Variants in POC1A observed in about 807,000 individuals in gnomAD.
The protein encoded by POC1A is POC1 centriolar protein A, also known as POC1 centriolar protein homolog A.
Under a neutral mutation model 47.8 loss-of-function variants are expected in POC1A, and 34 were observed. The ratio of observed to expected loss-of-function variants is 0.71; its 90% CI spans 0.54 to 0.95. The LOEUF is 0.95. Ranked by LOEUF, POC1A falls within the 40% of genes least tolerant of loss-of-function variation. The pLI, the probability that POC1A is intolerant of heterozygous loss-of-function variation, is 0.00. For missense variants in POC1A, 466 were observed against 528.3 expected, an observed-to-expected ratio of 0.88 and a Z score of 1.16; for synonymous variants, 177 against 207.6, an observed-to-expected ratio of 0.85 and a Z score of 1.27.
chr3:52,130,882 C>T (rs1704185312), intron 7 of POC1A, among the ~76,000 whole-genome samples: 1 of 152,156 alleles, frequency 6.6e-6, no homozygotes, highest in African/African-American at 2.4e-5. Context: ...GGCGCAAGCA[C>T]CCCATAAGCA....
chr3:52,124,139 G>A (rs1703903691), intron 8 of POC1A, among the ~76,000 whole-genome samples: 2 of 152,250 alleles, frequency 1.3e-5, no homozygotes, highest in Admixed American at 1.3e-4. Flanking sequence ...CCAGAACTAA[G>A]AGACTGGGCA....
intron 6 of POC1A, among the ~76,000 whole-genome samples, chr3:52,141,656 C>G (rs542895017): frequency 6.6e-6 from 1 of 152,286 alleles, no homozygotes; most frequent in Admixed American, 6.5e-5. Flanking sequence ...TCAAAACACC[C>G]AGTACAGGGT....
intron 9 of POC1A, among the ~76,000 whole-genome samples, chr3:52,119,470 C>T (rs1221761977): frequency 2.0e-5 from 3 of 151,722 alleles, no homozygotes; most frequent in East Asian, 1.9e-4. Flanking sequence ...TCATAGTTCA[C>T]GATAGCCTCC....
chr3:52,151,248 T>C (rs1029694421), intron 1 of POC1A, 148 bp from the exon 2 acceptor site: 248 of 1,180,594 alleles, frequency 2.1e-4, no homozygotes, highest in South Asian at 3.2e-4. Context: ...GGAATCCACT[T>C]AGGATTAGTT....
intron 9 of POC1A, among the ~76,000 whole-genome samples, chr3:52,111,258 A>C (rs1703370694): frequency 6.6e-6 from 1 of 152,212 alleles, no homozygotes; most frequent in Admixed American, 6.5e-5. Context: ...AGTTCAGAGA[A>C]GGGAGTTCTG....
intron 7 of POC1A, among the ~76,000 whole-genome samples, chr3:52,127,698 CCTT>C (rs773065618): frequency 6.6e-6 from 1 of 150,986 alleles, no homozygotes; most frequent in Non-Finnish European, 1.5e-5. Context: ...CAGTCACAAA[CCTT>C]TTTTTTTTTT....
intron 10 of POC1A, among the ~76,000 whole-genome samples, chr3:52,095,566 C>T (rs181722626): frequency 1.4e-3 from 211 of 152,132 alleles, no homozygotes; most frequent in Non-Finnish European, 2.0e-3. Context: ...TCCTCGTGGG[C>T]CACATGTGTC....
intron 9 of POC1A, among the ~76,000 whole-genome samples, chr3:52,102,068 C>T (rs929913778): frequency 3.3e-5 from 5 of 152,068 alleles, no homozygotes; most frequent in African/African-American, 1.2e-4. Context: ...CCTTGGTTTT[C>T]AGAAGTTTGA....
intron 1 of POC1A, among the ~76,000 whole-genome samples, chr3:52,152,485 G>A (rs1408999268): frequency 6.6e-6 from 1 of 152,078 alleles, no homozygotes; most frequent in African/African-American, 2.4e-5. Flanking sequence ...CAGGAGAATC[G>A]CTTGAACCCA....
chr3:52,101,090 C>CAAAAAAAAAAAAAAA (rs146285042), intron 9 of POC1A, among the ~76,000 whole-genome samples: 1 of 56,956 alleles, frequency 1.8e-5, no homozygotes. Flanking sequence ...CAACCCTCAG[C>CAAAAAAAAAAAAAAA]AAAAAAAAAA....
chr3:52,089,446 C>T (rs1004856026), intron 10 of POC1A, among the ~76,000 whole-genome samples: 1 of 152,268 alleles, frequency 6.6e-6, no homozygotes, highest in South Asian at 2.1e-4. Context: ...CAAACCCCCA[C>T]AAAGAAGTTC....
At chr3:52,082,325 G>A (rs1477238640) in intron 10 of POC1A, among the ~76,000 whole-genome samples, 1 of 152,178 alleles carries the variant, frequency 6.6e-6, no homozygotes, top group Non-Finnish European at 1.5e-5. Context: ...GCTCCTTGGT[G>A]GGGATGAAGG....
chr3:52,086,798 G>A (rs1487861786), intron 10 of POC1A, among the ~76,000 whole-genome samples: 1 of 152,244 alleles, frequency 6.6e-6, no homozygotes, highest in African/African-American at 2.4e-5. Flanking sequence ...AGCAGCCTGT[G>A]GACATCAGTC....
intron 9 of POC1A, among the ~76,000 whole-genome samples, chr3:52,104,549 A>G (rs1703107910): frequency 6.6e-6 from 1 of 152,222 alleles, no homozygotes. Flanking sequence ...CCTACCCATC[A>G]CAGGACACAG....
intron 10 of POC1A, among the ~76,000 whole-genome samples, chr3:52,089,054 G>A (rs1234905636): frequency 2.0e-5 from 3 of 151,706 alleles, no homozygotes; most frequent in African/African-American, 7.3e-5. Flanking sequence ...CCACAGACGG[G>A]ATAAAAGATA....
In POC1A at chr3:52,154,415, G is replaced by A. The variant is rs1244125945; in HGVS notation, c.-43C>T. 2 of 1,411,942 alleles carry A rather than the reference G, an allele frequency of 1.4e-6. No individual in the cohort carries two copies. Among genetic ancestry groups the A allele is most frequent in the African/African-American group, 3.0e-5 (2 of 65,680 alleles). The allele number at this position is 1,411,942 out of a possible 1,614,324, so 87.5% of individuals were successfully genotyped here. A position where few individuals can be genotyped will look rare whatever the true frequency, so the allele number is the denominator to read the frequency against. ...CGAAGGCAGCTGCGGTGGCCGTTGC[G>A]GCCCGTTCAGTTTCCGCGCCCCCAA... On this transcript the variant is annotated 5_prime_UTR_variant, in exon 1 of 11. Coordinates refer to ENST00000296484, the MANE Select transcript of POC1A (RefSeq NM_015426.5).
At chr3:52,080,681 G>A (rs1334491872) in intron 10 of POC1A, among the ~76,000 whole-genome samples, 1 of 152,218 alleles carries the variant, frequency 6.6e-6, no homozygotes, top group African/African-American at 2.4e-5. Flanking sequence ...GATGCACCAC[G>A]AGAAGCTGCC....
chr3:52,096,148 G>A (rs1702806090), intron 10 of POC1A, among the ~76,000 whole-genome samples: 1 of 152,390 alleles, frequency 6.6e-6, no homozygotes, highest in African/African-American at 2.4e-5. Context: ...CCCCAAGGTT[G>A]CACAGAGGAT....
chr3:52,150,953 C>T (rs1480275741), intron 2 of POC1A, 63 bp downstream of exon 2: 28 of 1,471,586 alleles, frequency 1.9e-5, no homozygotes, highest in African/African-American at 2.8e-5. Flanking sequence ...ACCACCCCTC[C>T]GAGGTAAAAA....
Sources: allele counts gnomAD v4.1 joint callset (sites outside exome capture counted in the v4.1 genomes callset), GRCh38; gene constraint gnomAD v4.1.1; transcripts MANE v1.5; gene names NCBI Gene and HGNC (gene_info 2026-07-23, HGNC 2026-07-21).